The following DPYD variants were observed in gnomAD, a reference collection of about 807,000 sequenced individuals.
DPYD encodes dihydropyrimidine dehydrogenase [NADP(+)].
A neutral mutation model predicts 116.2 loss-of-function variants in DPYD; 109 were observed. The ratio of observed to expected loss-of-function variants is 0.94; its 90% CI spans 0.80 to 1.10. DPYD has a LOEUF of 1.10. Among genes scored for constraint, DPYD ranks in the 50% least tolerant of loss-of-function variants. The probability of loss-of-function intolerance (pLI) is 0.00; values close to 1 mark genes in which losing one functional copy is unlikely to be tolerated. For missense variants in DPYD, 1,302 were observed against 1,254.5 expected, an observed-to-expected ratio of 1.04 and a Z score of -0.57; for synonymous variants, 440 against 432.0, an observed-to-expected ratio of 1.02 and a Z score of -0.23.
chr1:97,704,445 T>C (rs534771131), intron 5 of DPYD, among the ~76,000 whole-genome samples: 2 of 152,078 alleles, frequency 1.3e-5, no homozygotes, highest in East Asian at 3.9e-4. Flanking sequence ...TAACTTAATT[T>C]TGTTAAATTT....
chr1:97,844,659 C>A (rs1452675960), intron 2 of DPYD, among the ~76,000 whole-genome samples: 1 of 152,178 alleles, frequency 6.6e-6, no homozygotes, highest in Non-Finnish European at 1.5e-5. Flanking sequence ...CAGCGCTACA[C>A]CCTCCATAGG....
chr1:97,710,852 C>CA (rs1158926676), intron 5 of DPYD, among the ~76,000 whole-genome samples: 1 of 151,702 alleles, frequency 6.6e-6, no homozygotes, highest in East Asian at 1.9e-4. Flanking sequence ...ACGTTGCTCT[C>CA]AGAGTATTTG....
chr1:97,861,422 T>A (rs1410316740), intron 2 of DPYD, among the ~76,000 whole-genome samples: 1 of 151,848 alleles, frequency 6.6e-6, no homozygotes, highest in African/African-American at 2.4e-5. Context: ...AAAAGGGTGA[T>A]AAATTCAACC....
intron 12 of DPYD, among the ~76,000 whole-genome samples, chr1:97,525,897 TG>T (rs1557772942): frequency 4.6e-5 from 2 of 43,516 alleles, no homozygotes; most frequent in Non-Finnish European, 1.0e-4. Flanking sequence ...CGCGCGCGCG[TG>T]TGTGTGTGTG....
intron 20 of DPYD, among the ~76,000 whole-genome samples, chr1:97,120,186 G>A (rs964279427): frequency 3.3e-5 from 5 of 152,018 alleles, no homozygotes; most frequent in African/African-American, 9.7e-5. Context: ...AGTTTGTGTC[G>A]CCTTGTTCTC....
chr1:97,517,572 A>C (rs1015441355), intron 12 of DPYD, among the ~76,000 whole-genome samples: 2 of 152,116 alleles, frequency 1.3e-5, no homozygotes, highest in Non-Finnish European at 2.9e-5. Flanking sequence ...AAAAGGGAAT[A>C]ATTTCAGAAT....
intron 21 of DPYD, among the ~76,000 whole-genome samples, chr1:97,096,374 A>G (rs1057086766): frequency 6.6e-6 from 1 of 152,156 alleles, no homozygotes; most frequent in Non-Finnish European, 1.5e-5. Context: ...AATATAAATA[A>G]TATCTTCCTT....
At chr1:97,396,596 A>G (rs996789625) in intron 14 of DPYD, among the ~76,000 whole-genome samples, 2 of 152,058 alleles carry the variant, frequency 1.3e-5, no homozygotes, top group African/African-American at 2.4e-5. Flanking sequence ...GATGATTCAC[A>G]GCTTCCTGAC....
intron 16 of DPYD, among the ~76,000 whole-genome samples, chr1:97,348,761 A>G (rs1669983180): frequency 6.6e-6 from 1 of 152,164 alleles, no homozygotes; most frequent in African/African-American, 2.4e-5. Context: ...CACTCTAGTA[A>G]CAGAGATAAG....
intron 20 of DPYD, among the ~76,000 whole-genome samples, chr1:97,177,995 A>G (rs1291132313): frequency 6.6e-6 from 1 of 152,054 alleles, no homozygotes; most frequent in East Asian, 1.9e-4. Context: ...TTTTATAAGG[A>G]CGCTAATTTT....
At chr1:97,513,470 G>T (rs1377315311) in intron 13 of DPYD, among the ~76,000 whole-genome samples, 1 of 151,532 alleles carries the variant, frequency 6.6e-6, no homozygotes, top group Non-Finnish European at 1.5e-5. Context: ...ATTGTATTGT[G>T]AAATATTAAT....
At chr1:97,198,871 G>A (rs1659005028) in intron 19 of DPYD, among the ~76,000 whole-genome samples, 1 of 152,098 alleles carries the variant, frequency 6.6e-6, no homozygotes, top group Admixed American at 6.6e-5. Context: ...TAGATTCTCA[G>A]CAGGACCAGC....
At chr1:97,300,453 C>A (rs912782979) in intron 18 of DPYD, among the ~76,000 whole-genome samples, 24 of 151,886 alleles carry the variant, frequency 1.6e-4, no homozygotes, top group Admixed American at 8.5e-4. Context: ...ATAAAAAAAT[C>A]CAGCACATTA....
chr1:97,836,960 A>T (rs1207788575), intron 2 of DPYD, among the ~76,000 whole-genome samples: 1 of 152,154 alleles, frequency 6.6e-6, no homozygotes, highest in East Asian at 1.9e-4. Context: ...CTTTAAAAGC[A>T]CATGTGTGCA....
intron 3 of DPYD, among the ~76,000 whole-genome samples, chr1:97,799,304 T>C (rs977778509): frequency 4.6e-5 from 7 of 151,966 alleles, no homozygotes; most frequent in African/African-American, 1.7e-4. Context: ...CAAGTTACCA[T>C]GAAGTTTATT....
intron 14 of DPYD, among the ~76,000 whole-genome samples, chr1:97,433,134 A>C (rs1056865181): frequency 6.6e-6 from 1 of 152,122 alleles, no homozygotes; most frequent in Non-Finnish European, 1.5e-5. Context: ...GAAGGCCTAG[A>C]ATGCACTGGG....
chr1:97,622,940 C>A (rs994294618), intron 8 of DPYD, among the ~76,000 whole-genome samples: 8 of 151,892 alleles, frequency 5.3e-5, no homozygotes, highest in African/African-American at 1.9e-4. Context: ...ATCAGGAGAG[C>A]TAAGATTTGC....
At position 97,920,970 on chromosome 1, in the gene DPYD, T is replaced by A; in HGVS notation, c.-48A>T. The stretch of plus-strand genomic sequence containing the variant: ...CTGCCAGTGACAAACCCTCCTTGCG[T>A]CCTCAAGCTCCAGCCAGAGAGCCAA... On this transcript the variant is annotated 5_prime_UTR_variant, in exon 1 of 23. Transcript: ENST00000370192. 1.3e-6 allele frequency: 2 copies of A among 1,557,982 alleles called. No individual in the cohort carries two copies. The highest frequency in any genetic ancestry group is 1.7e-6 in the Non-Finnish European group (2 of 1,150,708).
chr1:97,752,553 T>C (rs1365504316), intron 3 of DPYD, among the ~76,000 whole-genome samples: 2 of 152,184 alleles, frequency 1.3e-5, no homozygotes, highest in Non-Finnish European at 2.9e-5. Context: ...TCGGCTTCTA[T>C]TGCATTTCCA....
Sources: gnomAD v4.1 joint callset for allele counts (sites outside exome capture counted in the v4.1 genomes callset) on GRCh38, gnomAD v4.1.1 for gene constraint, MANE v1.5 for transcripts, NCBI Gene and HGNC (gene_info 2026-07-23, HGNC 2026-07-21) for gene names.